PRELID2: variants seen among roughly 807,000 people sequenced by gnomAD.
PRELID2 encodes the protein PRELI domain-containing protein 2.
A neutral mutation model predicts 28.4 loss-of-function variants in PRELID2; 25 were observed. That is an observed-to-expected ratio of 0.88 (90% CI 0.64 to 1.23). PRELID2 has a LOEUF of 1.23. Among genes scored for constraint, PRELID2 ranks in the 50% most tolerant of loss-of-function variants. The pLI, the probability that PRELID2 is intolerant of heterozygous loss-of-function variation, is 0.00. For missense variants in PRELID2, 201 were observed against 214.4 expected, an observed-to-expected ratio of 0.94 and a Z score of 0.39; for synonymous variants, 76 against 71.6, an observed-to-expected ratio of 1.06 and a Z score of -0.31.
At chr5:145,360,392 T>A in the PRELID2 span, among the ~76,000 whole-genome samples, 2 of 151,892 alleles carry the variant, frequency 1.3e-5, no homozygotes, top group Non-Finnish European at 2.9e-5. Context: ...AATAGAGAAC[T>A]GCAGGTAAGA....
chr5:145,321,009 A>C, the PRELID2 span, among the ~76,000 whole-genome samples: 1 of 152,204 alleles, frequency 6.6e-6, no homozygotes, highest in African/African-American at 2.4e-5. Context: ...CCCATTTTAC[A>C]TATGCAAAAA....
chr5:145,459,954 G>A, the PRELID2 span, among the ~76,000 whole-genome samples: 1 of 151,880 alleles, frequency 6.6e-6, no homozygotes, highest in Admixed American at 6.6e-5. Flanking sequence ...GGACTACAGG[G>A]GGCATGCCAC....
chr5:145,360,366 A>G, the PRELID2 span, among the ~76,000 whole-genome samples: 1 of 152,136 alleles, frequency 6.6e-6, no homozygotes, highest in Non-Finnish European at 1.5e-5. Context: ...AGCAGTAAGG[A>G]GGCAGGAGTG....
the PRELID2 span, among the ~76,000 whole-genome samples, chr5:145,341,062 C>T: frequency 6.6e-6 from 1 of 151,664 alleles, no homozygotes; most frequent in Admixed American, 6.6e-5. Context: ...AAAACCAAAG[C>T]ACCCTACCTA....
the PRELID2 span, among the ~76,000 whole-genome samples, chr5:145,243,095 A>G: frequency 1.3e-5 from 2 of 152,118 alleles, no homozygotes; most frequent in East Asian, 1.9e-4. Context: ...TTTCTTGAAA[A>G]TGTATTAAGA....
intron 1 of PRELID2, among the ~76,000 whole-genome samples, chr5:145,589,490 A>G (rs536263218): frequency 6.6e-6 from 1 of 152,302 alleles, no homozygotes; most frequent in African/African-American, 2.4e-5. Flanking sequence ...TTGCCATCAT[A>G]ACAGGCATAA....
chr5:145,726,283 C>T (rs1030143249), intron 1 of PRELID2, among the ~76,000 whole-genome samples: 4 of 133,756 alleles, frequency 3.0e-5, no homozygotes, highest in African/African-American at 1.2e-4. Flanking sequence ...GAGAAAGAGA[C>T]AGAAAGAAAG....
the PRELID2 span, among the ~76,000 whole-genome samples, chr5:145,320,362 A>C: frequency 0.023 from 3,454 of 150,646 alleles, 120 homozygotes; most frequent in African/African-American, 0.079. Flanking sequence ...GCTCCGCCTC[A>C]CCGCTTCACG....
At chr5:145,414,903 G>C in the PRELID2 span, among the ~76,000 whole-genome samples, 1 of 152,156 alleles carries the variant, frequency 6.6e-6, no homozygotes, top group Non-Finnish European at 1.5e-5. Flanking sequence ...TCATAAAATA[G>C]ATTTGGAAAA....
chr5:145,424,289 G>T, the PRELID2 span, among the ~76,000 whole-genome samples: 1 of 152,184 alleles, frequency 6.6e-6, no homozygotes, highest in Non-Finnish European at 1.5e-5. Context: ...CGGCTGCTTT[G>T]TTTACCTAAT....
chr5:145,455,995 C>T, the PRELID2 span, among the ~76,000 whole-genome samples: 1 of 152,160 alleles, frequency 6.6e-6, no homozygotes, highest in Non-Finnish European at 1.5e-5. Context: ...GCCATCTTGC[C>T]AGCCACCTCT....
intron 3 of PRELID2, chr5:145,819,322 A>G (rs193143380): frequency 1.9e-4 from 214 of 1,107,936 alleles, no homozygotes; most frequent in Non-Finnish European, 2.6e-4. Context: ...CTCTAAAAGG[A>G]CTCCCACTGA....
chr5:145,347,434 A>G, the PRELID2 span, among the ~76,000 whole-genome samples: 2 of 152,134 alleles, frequency 1.3e-5, no homozygotes, highest in African/African-American at 4.8e-5. Flanking sequence ...TTTAGAGACC[A>G]TTCTTGAAAA....
At chr5:145,283,502 T>G in the PRELID2 span, among the ~76,000 whole-genome samples, 47 of 152,254 alleles carry the variant, frequency 3.1e-4, no homozygotes, top group African/African-American at 1.0e-3. Flanking sequence ...TAAGTTATGC[T>G]TTTTTTCTCC....
chr5:145,459,686 G>A, the PRELID2 span, among the ~76,000 whole-genome samples: 1 of 151,562 alleles, frequency 6.6e-6, no homozygotes, highest in Non-Finnish European at 1.5e-5. Context: ...TACAATGATT[G>A]AAACAAAAAG....
rs780132417 is a variant in PRELID2, at chr5:145,628,091, C to T, written n.70+136840G>A. ...ATATTTTACATACATGACTTGGGAA[C>T]TATTTACACATTGTATTTTACACAG... On this transcript the variant is annotated intron_variant and non_coding_transcript_variant, in intron 1 of 2. Transcript: ENST00000510259. Among the ~76,000 whole-genome samples the T allele has an allele frequency of 1.1e-4, 16 of 152,086 alleles. 1 individual carries two copies. Among genetic ancestry groups the T allele is most frequent in the Admixed American group, 6.6e-5 (1 of 15,260 alleles).
intron 1 of PRELID2, among the ~76,000 whole-genome samples, chr5:145,674,934 CA>C (rs968545930): frequency 2.1e-3 from 279 of 134,966 alleles, no homozygotes; most frequent in Non-Finnish European, 2.4e-3. Flanking sequence ...GATTCAGTAT[CA>C]AAAAAAAAAA....
At chr5:145,629,104 C>G (rs1865007) in intron 1 of PRELID2, among the ~76,000 whole-genome samples, 19,511 of 152,164 alleles carry the variant, frequency 0.13, 1,762 homozygotes, top group African/African-American at 0.23. Context: ...GCTTTGATAG[C>G]CTTAGCTGCA....
At chr5:145,467,189 T>A (rs1005858450), downstream of PRELID2, among the ~76,000 whole-genome samples, 1 of 152,114 alleles carries the variant, frequency 6.6e-6, no homozygotes, top group Non-Finnish European at 1.5e-5. Flanking sequence ...CCATAACTTA[T>A]AAAAATCTGG....
Sources: gnomAD v4.1 joint callset for allele counts (sites outside exome capture counted in the v4.1 genomes callset) on GRCh38, gnomAD v4.1.1 for gene constraint, MANE v1.5 for transcripts, NCBI Gene and HGNC (gene_info 2026-07-23, HGNC 2026-07-21) for gene names.